Variants in RAD51B observed in about 807,000 individuals in gnomAD.
The protein encoded by RAD51B is DNA repair protein RAD51 homolog 2.
A neutral mutation model predicts 42.2 loss-of-function variants in RAD51B; 38 were observed. That is an observed-to-expected ratio of 0.90 (90% CI 0.70 to 1.18). The LOEUF (loss-of-function observed/expected upper bound fraction) is 1.18. RAD51B is among the 50% of genes most tolerant of loss of function. RAD51B has a pLI of 0.00. For synonymous variants in RAD51B, 154 were observed against 145.2 expected (o/e 1.06, Z -0.43); for missense variants, 373 against 400.7 (o/e 0.93, Z 0.59).
intron 7 of RAD51B, among the ~76,000 whole-genome samples, chr14:68,194,104 A>C (rs7143428): frequency 6.6e-6 from 1 of 152,236 alleles, no homozygotes; most frequent in African/African-American, 2.4e-5. Context: ...ATAGATGAAA[A>C]TCATCACTTG....
chr14:68,199,839 C>A (rs1017350337), intron 7 of RAD51B, among the ~76,000 whole-genome samples: 1 of 152,162 alleles, frequency 6.6e-6, no homozygotes, highest in African/African-American at 2.4e-5. Flanking sequence ...CATGGTGATA[C>A]GCCACCTACT....
chr14:68,567,012 C>A (rs562501395), intron 10 of RAD51B, among the ~76,000 whole-genome samples: 6 of 152,102 alleles, frequency 3.9e-5, no homozygotes, highest in Non-Finnish European at 8.8e-5. Flanking sequence ...AAAAATTCAA[C>A]TTTACTGGCC....
At chr14:68,506,531 G>A (rs1026998427) in intron 10 of RAD51B, among the ~76,000 whole-genome samples, 13 of 152,336 alleles carry the variant, frequency 8.5e-5, no homozygotes, top group African/African-American at 2.9e-4. Flanking sequence ...CTGTGCGTGC[G>A]CGTGCATGTG....
At chr14:68,381,592 C>T (rs1413057193) in intron 8 of RAD51B, among the ~76,000 whole-genome samples, 2 of 152,136 alleles carry the variant, frequency 1.3e-5, no homozygotes, top group Non-Finnish European at 1.5e-5. Flanking sequence ...AGGAGAATGG[C>T]GTGAACCCAG....
chr14:68,172,561 A>G (rs1284224536), intron 7 of RAD51B, among the ~76,000 whole-genome samples: 1 of 152,184 alleles, frequency 6.6e-6, no homozygotes, highest in East Asian at 1.9e-4. Flanking sequence ...TCATTTATAC[A>G]ATATTTAAGA....
intron 11 of RAD51B, among the ~76,000 whole-genome samples, chr14:68,658,671 C>T (rs950182443): frequency 5.3e-5 from 8 of 152,164 alleles, no homozygotes; most frequent in Non-Finnish European, 7.4e-5. Context: ...AGAGACTCTG[C>T]CTCAGGGTTC....
intron 10 of RAD51B, among the ~76,000 whole-genome samples, chr14:68,492,093 A>G (rs1884124195): frequency 6.6e-6 from 1 of 151,854 alleles, no homozygotes; most frequent in Non-Finnish European, 1.5e-5. Flanking sequence ...CCTTGCTGGA[A>G]CCCTTTTCTC....
At chr14:68,664,932 T>G (rs908946187) in intron 11 of RAD51B, among the ~76,000 whole-genome samples, 1 of 152,202 alleles carries the variant, frequency 6.6e-6, no homozygotes, top group Non-Finnish European at 1.5e-5. Context: ...TCTGCCAATG[T>G]GCCCCACTCC....
intron 9 of RAD51B, among the ~76,000 whole-genome samples, chr14:68,440,574 G>A (rs908060694): frequency 2.0e-5 from 3 of 151,904 alleles, no homozygotes; most frequent in Non-Finnish European, 2.9e-5. Flanking sequence ...GTGAAACCCC[G>A]TCTCTACTAA....
chr14:68,469,190 G>A, intron 10 of RAD51B: 1 of 455,544 alleles, frequency 2.2e-6, no homozygotes, highest in South Asian at 1.6e-5. Context: ...GTCCTGCCCT[G>A]AAGGATTTAT....
intron 7 of RAD51B, among the ~76,000 whole-genome samples, chr14:68,249,662 C>T (rs1422603250): frequency 1.3e-5 from 2 of 152,104 alleles, no homozygotes; most frequent in Non-Finnish European, 2.9e-5. Context: ...ACTGGGAATC[C>T]TAGAGTATTT....
chr14:67,993,457 C>T (rs1480766498), intron 7 of RAD51B, among the ~76,000 whole-genome samples: 6 of 152,242 alleles, frequency 3.9e-5, no homozygotes, highest in Admixed American at 6.5e-5. Flanking sequence ...TGTATTTCTG[C>T]GTCTGGCTTA....
chr14:67,980,098 T>C (rs1212662717), intron 7 of RAD51B, among the ~76,000 whole-genome samples: 1 of 152,182 alleles, frequency 6.6e-6, no homozygotes, highest in Non-Finnish European at 1.5e-5. Flanking sequence ...TAAAAATTCC[T>C]TAATTTTATT....
At chr14:68,460,105 T>C (rs2085805415) in intron 9 of RAD51B, among the ~76,000 whole-genome samples, 1 of 152,106 alleles carries the variant, frequency 6.6e-6, no homozygotes, top group African/African-American at 2.4e-5. Context: ...TTTCCTAAGG[T>C]TGGGGCTGTA....
In RAD51B at chr14:67,870,794, G is replaced by T. The variant is rs1191965311; in HGVS notation, c.452+5655G>T. On this transcript the variant is annotated intron_variant, in intron 5 of 10. Transcript: ENST00000471583. The stretch of plus-strand genomic sequence containing the variant: ...AGGATTAAGAATCTCACTCAAAACC[G>T]CTCAACTACATGGAAACTGAACAAC... 1.0e-4 allele frequency among the ~76,000 whole-genome samples: 12 copies of T among 117,620 alleles called. 1 individual carries two copies. The highest frequency in any genetic ancestry group is 3.5e-5 in the Non-Finnish European group (2 of 57,320). The allele number at this position is 117,620 out of a possible 152,430, so 77.2% of individuals were successfully genotyped here. A position where few individuals can be genotyped will look rare whatever the true frequency, so the allele number is the denominator to read the frequency against.
chr14:68,579,671 T>A (rs566437752), intron 10 of RAD51B, among the ~76,000 whole-genome samples: 2 of 152,242 alleles, frequency 1.3e-5, no homozygotes, highest in East Asian at 3.8e-4. Context: ...GCATGTTTCC[T>A]AAACACACCG....
chr14:68,508,663 G>A lies in RAD51B; in HGVS notation c.1036+40413G>A, dbSNP rs140154766. On this transcript the variant is annotated intron_variant, in intron 10 of 10. Transcript: ENST00000487270. ...TCCTGCAGGAAATGGTTCCCGTGGGGAGAACTCCTACTGCTCCAAGGCAGC... is the reference window on the plus strand; with the variant it reads ...TCCTGCAGGAAATGGTTCCCGTGGGAAGAACTCCTACTGCTCCAAGGCAGC... Among the ~76,000 whole-genome samples, 1,185 of 152,258 alleles carry A rather than the reference G, an allele frequency of 7.8e-3. 7 individuals carry two copies. The highest frequency in any genetic ancestry group is 0.01 in the Non-Finnish European group (687 of 68,006).
intron 8 of RAD51B, among the ~76,000 whole-genome samples, chr14:68,304,169 C>CAA (rs34488488): frequency 0.034 from 4,704 of 140,022 alleles, 229 homozygotes; most frequent in African/African-American, 0.1. Flanking sequence ...GACTCTGTCT[C>CAA]AAAAAAAAAA....
At chr14:67,922,514 TTTG>T (rs1001633675) in intron 7 of RAD51B, among the ~76,000 whole-genome samples, 6 of 152,126 alleles carry the variant, frequency 3.9e-5, no homozygotes, top group South Asian at 2.1e-4. Context: ...TACCTTTCTT[TTTG>T]TTGTTGTTGT....
Sources: allele counts gnomAD v4.1 joint callset (sites outside exome capture counted in the v4.1 genomes callset), GRCh38; gene constraint gnomAD v4.1.1; transcripts MANE v1.5; gene names NCBI Gene and HGNC (gene_info 2026-07-23, HGNC 2026-07-21).